Variants in VOPP1 observed in about 807,000 individuals in gnomAD.
The protein encoded by VOPP1 is VOPP1 WW domain binding protein.
A neutral mutation model predicts 23.5 loss-of-function variants in VOPP1; 8 were observed. The ratio of observed to expected loss-of-function variants is 0.34; its 90% CI spans 0.20 to 0.61. The LOEUF (loss-of-function observed/expected upper bound fraction) is 0.61. Ranked by LOEUF, VOPP1 falls within the 20% of genes least tolerant of loss-of-function variation. VOPP1 has a pLI of 0.78. For missense variants in VOPP1, 174 were observed against 238.1 expected, an observed-to-expected ratio of 0.73 and a Z score of 1.77; for synonymous variants, 83 against 97.3, an observed-to-expected ratio of 0.85 and a Z score of 0.86.
chr7:55,501,115 T>C (rs1031385892), intron 2 of VOPP1, among the ~76,000 whole-genome samples: 1 of 152,250 alleles, frequency 6.6e-6, no homozygotes, highest in South Asian at 2.1e-4. Flanking sequence ...GGTGCTTGCA[T>C]GGTTCTTTGT....
intron 1 of VOPP1, among the ~76,000 whole-genome samples, chr7:55,527,553 C>T (rs1203056460): frequency 6.6e-6 from 1 of 152,190 alleles, no homozygotes; most frequent in Non-Finnish European, 1.5e-5. Flanking sequence ...AACAGCTGGT[C>T]TGCTTTACCT....
intron 4 of VOPP1, among the ~76,000 whole-genome samples, chr7:55,454,146 T>C (rs1791310028): frequency 6.6e-6 from 1 of 152,172 alleles, no homozygotes; most frequent in South Asian, 2.1e-4. Flanking sequence ...AGGATAGCTC[T>C]CACCTCAGTC....
intron 2 of VOPP1, among the ~76,000 whole-genome samples, chr7:55,502,364 T>C (rs1472057365): frequency 6.6e-6 from 1 of 152,250 alleles, no homozygotes; most frequent in Non-Finnish European, 1.5e-5. Flanking sequence ...CAGCAGCAAA[T>C]ACACGCTGTC....
chr7:55,528,442 G>A (rs930541024), intron 1 of VOPP1, among the ~76,000 whole-genome samples: 1 of 152,016 alleles, frequency 6.6e-6, no homozygotes, highest in Admixed American at 6.6e-5. Context: ...AGACCACTTA[G>A]TACCCAAAAA....
At chr7:55,497,405 G>A (rs1794029780) in intron 3 of VOPP1, among the ~76,000 whole-genome samples, 1 of 152,128 alleles carries the variant, frequency 6.6e-6, no homozygotes, top group African/African-American at 2.4e-5. Context: ...TCCAAAATCC[G>A]TGAAAACAAA....
chr7:55,442,818 T>C (rs1354484000), intron 4 of VOPP1, among the ~76,000 whole-genome samples: 2 of 152,068 alleles, frequency 1.3e-5, no homozygotes, highest in Non-Finnish European at 2.9e-5. Context: ...CACGGTTTCT[T>C]TGGAAAATAA....
intron 1 of VOPP1, among the ~76,000 whole-genome samples, chr7:55,567,525 C>G (rs1325881547): frequency 6.6e-6 from 1 of 152,182 alleles, no homozygotes; most frequent in African/African-American, 2.4e-5. Flanking sequence ...CTAGCCTAAT[C>G]CTATCCTTGC....
At chr7:55,452,363 A>G (rs990022571) in intron 4 of VOPP1, among the ~76,000 whole-genome samples, 1 of 152,060 alleles carries the variant, frequency 6.6e-6, no homozygotes, top group Non-Finnish European at 1.5e-5. Flanking sequence ...GAACCCCTCC[A>G]TGAAGGGGTT....
At chr7:55,495,872 C>T (rs1793913953) in intron 3 of VOPP1, among the ~76,000 whole-genome samples, 1 of 152,218 alleles carries the variant, frequency 6.6e-6, no homozygotes, top group African/African-American at 2.4e-5. Flanking sequence ...ATGACTCAGC[C>T]CCATCTTCTG....
chr7:55,488,457 C>T (rs943447990), intron 4 of VOPP1, among the ~76,000 whole-genome samples: 1 of 152,156 alleles, frequency 6.6e-6, no homozygotes, highest in African/African-American at 2.4e-5. Context: ...ACCTCTGAAC[C>T]TCAGCCTCCT....
intron 3 of VOPP1, among the ~76,000 whole-genome samples, chr7:55,496,625 A>G (rs1251612946): frequency 6.6e-6 from 1 of 152,202 alleles, no homozygotes; most frequent in Non-Finnish European, 1.5e-5. Context: ...AGAAGGCATC[A>G]CTATTAAAGA....
chr7:55,504,596 C>T (rs1278590540), intron 2 of VOPP1, among the ~76,000 whole-genome samples: 1 of 152,252 alleles, frequency 6.6e-6, no homozygotes, highest in Non-Finnish European at 1.5e-5. Context: ...CAGGCAGACG[C>T]TGCCACTCCC....
chr7:55,465,461 G>C (rs1791609970), intron 4 of VOPP1, among the ~76,000 whole-genome samples: 1 of 152,188 alleles, frequency 6.6e-6, no homozygotes, highest in Non-Finnish European at 1.5e-5. Flanking sequence ...CTGAAAGATG[G>C]AGACTACATG....
chr7:55,507,621 T>C (rs1342684428), intron 2 of VOPP1, among the ~76,000 whole-genome samples: 1 of 152,180 alleles, frequency 6.6e-6, no homozygotes, highest in East Asian at 1.9e-4. Context: ...TTTTAGACCA[T>C]TTTATCTGTC....
At chr7:55,485,282 C>T (rs977337921) in intron 4 of VOPP1, among the ~76,000 whole-genome samples, 2 of 152,218 alleles carry the variant, frequency 1.3e-5, no homozygotes, top group Non-Finnish European at 2.9e-5. Flanking sequence ...GGAACCAAGG[C>T]TGAAAATACT....
chr7:55,521,927 G>T, intron 1 of VOPP1: 2 of 984,268 alleles, frequency 2.0e-6, no homozygotes, highest in Non-Finnish European at 2.4e-6. Flanking sequence ...CATTCGTGCT[G>T]TCATTTTTGT....
At chr7:55,484,438 G>A (rs543031643) in intron 4 of VOPP1, among the ~76,000 whole-genome samples, 5 of 152,172 alleles carry the variant, frequency 3.3e-5, no homozygotes, top group African/African-American at 9.6e-5. Flanking sequence ...ACCTACAGTC[G>A]CTGGGGGGTG....
chr7:55,560,352 G>A (rs187804662), intron 1 of VOPP1, among the ~76,000 whole-genome samples: 3 of 152,162 alleles, frequency 2.0e-5, no homozygotes, highest in Admixed American at 2.0e-4. Flanking sequence ...ATTAAGTTAA[G>A]GATCTTACAA....
chr7:55,487,222 A>AC (rs1464446085), intron 4 of VOPP1, among the ~76,000 whole-genome samples: 5 of 152,186 alleles, frequency 3.3e-5, no homozygotes, highest in African/African-American at 1.2e-4. Context: ...CAGACTTATT[A>AC]CAGGATTGAG....
Sources: gnomAD v4.1 joint callset for allele counts (sites outside exome capture counted in the v4.1 genomes callset) on GRCh38, gnomAD v4.1.1 for gene constraint, MANE v1.5 for transcripts, NCBI Gene and HGNC (gene_info 2026-07-23, HGNC 2026-07-21) for gene names.